The following PDHX variants were observed in gnomAD, a reference collection of about 807,000 sequenced individuals.
The protein encoded by PDHX is pyruvate dehydrogenase complex component X.
In PDHX, 33 loss-of-function variants were observed where a neutral mutation model predicts 55.3. That is an observed-to-expected ratio of 0.60 (90% confidence interval 0.45 to 0.80). PDHX has a LOEUF of 0.80. PDHX is among the 30% of genes least tolerant of loss of function. PDHX has a pLI of 0.00. For synonymous variants in PDHX, 226 were observed against 219.4 expected (o/e 1.03, Z -0.27); for missense variants, 622 against 619.9 (o/e 1.00, Z -0.04).
rs184525159 is a variant in PDHX at position 34,946,941 on chromosome 11, T to G, written c.242-565T>G. Among the ~76,000 whole-genome samples the G allele has an allele frequency of 2.0e-5, 3 of 152,300 alleles. No individual in the cohort carries two copies. In the East Asian group the frequency reaches 5.8e-4, roughly 29 times the overall value. ...CTGGAACTTCAGGTCTTCCTCCATA[T>G]TTTTGAGTTTCCAGATATTTTCTGT... is the stretch of plus-strand genomic sequence containing the variant. On this transcript the variant is annotated intron_variant, in intron 2 of 10. Transcript: ENST00000227868.
chr11:34,957,342 TG>T, intron 3 of PDHX, 41 bp from the exon 4 acceptor site: 1 of 1,282,318 alleles, frequency 7.8e-7, no homozygotes, highest in Non-Finnish European at 1.1e-6. Flanking sequence ...AATGCAGTCA[TG>T]GGGTTTTACT....
chr11:34,916,668 T>G lies in PDHX; in HGVS notation c.13T>G (p.Trp5Gly), dbSNP rs749796976. 7 of 1,610,340 alleles carry G rather than the reference T, an allele frequency of 4.3e-6. No homozygotes were observed. In the East Asian group the frequency reaches 1.6e-4, roughly 36 times the overall value. Reference sequence around the variant, plus strand: ...GAAGGCCGTCAAGATGGCGGCCTCCTGGAGGCTGGGCTGTGATCCGCGGCT... The same window carrying G: ...GAAGGCCGTCAAGATGGCGGCCTCCGGGAGGCTGGGCTGTGATCCGCGGCT... MAAS[W>G]RLGCDPRLLR... The change falls in exon 1 of 11, where the codon TGG becomes GGG. Residue 5 changes from tryptophan to glycine, a missense_variant. Coordinates refer to ENST00000227868, the MANE Select transcript of PDHX (RefSeq NM_003477.3).
intron 3 of PDHX, among the ~76,000 whole-genome samples, chr11:34,948,207 A>G (rs1258335658): frequency 2.6e-5 from 4 of 152,190 alleles, no homozygotes; most frequent in Admixed American, 6.5e-5. Flanking sequence ...CTGTTACCCA[A>G]TTGCTCAATA....
At chr11:34,931,911 A>G (rs1419623419) in intron 2 of PDHX, among the ~76,000 whole-genome samples, 1 of 151,920 alleles carries the variant, frequency 6.6e-6, no homozygotes, top group Non-Finnish European at 1.5e-5. Context: ...AGTAGAATAT[A>G]AGGAAAACCC....
intron 5 of PDHX, 45 bp from the exon 6 acceptor site, chr11:34,966,595 T>G (rs1855135433): frequency 1.3e-6 from 2 of 1,578,744 alleles, no homozygotes; most frequent in Non-Finnish European, 1.7e-6. Flanking sequence ...TTCTGTTATA[T>G]TCCTTATTGC....
At chr11:34,920,549 C>A (rs1439314116) in intron 1 of PDHX, among the ~76,000 whole-genome samples, 1 of 152,156 alleles carries the variant, frequency 6.6e-6, no homozygotes, top group Non-Finnish European at 1.5e-5. Flanking sequence ...GGAGACTTTA[C>A]AGAGAAATCT....
At chr11:34,916,886 T>C (rs1853729737) in intron 1 of PDHX, 71 bp downstream of exon 1, 3 of 1,401,522 alleles carry the variant, frequency 2.1e-6, no homozygotes, top group Admixed American at 3.9e-5. Flanking sequence ...GCAGTTATGA[T>C]TGAGGGCCTG....
rs758020436 is a variant in PDHX, at chr11:34,992,363, C to T, written c.1231C>T (p.Gln411Ter). 5.0e-5 allele frequency: 80 copies of T among 1,587,000 alleles called. No individual in the cohort carries two copies. Among genetic ancestry groups the T allele is most frequent in the Non-Finnish European group, 6.8e-5 (79 of 1,156,234 alleles). ...RDGKLLPEEY[Q>*]GGSFSISNLG... ...TGGAAAATTGTTGCCTGAAGAATAC[C>T]AAGGAGGATCTTTTAGGTAAAATTT... Residue 411 changes from glutamine (Q) to a stop codon, truncating the protein, a stop_gained, in exon 10 of 11, where the codon CAA (glutamine) becomes TAA (stop). Transcript: ENST00000227868. LOFTEE classifies it high-confidence loss of function.
At chr11:34,952,407 G>A (rs1375416530) in intron 3 of PDHX, among the ~76,000 whole-genome samples, 2 of 151,894 alleles carry the variant, frequency 1.3e-5, no homozygotes, top group African/African-American at 4.8e-5. Context: ...TTTTAGACCA[G>A]TATCCTTGGT....
intron 2 of PDHX, among the ~76,000 whole-genome samples, chr11:34,938,552 C>T (rs1196158473): frequency 6.6e-6 from 1 of 152,138 alleles, no homozygotes; most frequent in African/African-American, 2.4e-5. Flanking sequence ...TTTCCATATT[C>T]GATATGACAG....
intron 7 of PDHX, among the ~76,000 whole-genome samples, chr11:34,970,883 C>T (rs1489241754): frequency 6.6e-6 from 1 of 152,104 alleles, no homozygotes; most frequent in African/African-American, 2.4e-5. Context: ...ATCTGAAGTA[C>T]TATAATTTGG....
At chr11:34,985,991 C>T (rs924688094) in intron 9 of PDHX, among the ~76,000 whole-genome samples, 3 of 152,030 alleles carry the variant, frequency 2.0e-5, no homozygotes, top group Non-Finnish European at 2.9e-5. Flanking sequence ...AGTGTTTGAT[C>T]GATAAAAATG....
chr11:34,921,472 A>G (rs1853877405), intron 1 of PDHX, among the ~76,000 whole-genome samples: 1 of 152,154 alleles, frequency 6.6e-6, no homozygotes, highest in South Asian at 2.1e-4. Flanking sequence ...CAGTTGTGCT[A>G]CAGGGCATGC....
intron 1 of PDHX, among the ~76,000 whole-genome samples, chr11:34,920,071 G>A (rs1853835823): frequency 6.6e-6 from 1 of 152,170 alleles, no homozygotes; most frequent in Non-Finnish European, 1.5e-5. Flanking sequence ...AGGAAGAGGT[G>A]ACAGCCCTTA....
chr11:34,952,582 A>G lies in PDHX; in HGVS notation c.343-4802A>G, dbSNP rs1322518930. 4.6e-3 allele frequency among the ~76,000 whole-genome samples: 702 copies of G among 151,980 alleles called. 6 individuals are homozygous for G. Among genetic ancestry groups the G allele is most frequent in the African/African-American group, 0.016 (653 of 41,380 alleles). On this transcript the variant is annotated intron_variant, in intron 3 of 10. Coordinates refer to ENST00000227868, the MANE Select transcript of PDHX (RefSeq NM_003477.3). Reference sequence around the variant, plus strand: ...ATCCAACATATACACAGAACCAAAGACAAAAACCACATGATTATCTCAATA... The same window carrying G: ...ATCCAACATATACACAGAACCAAAGGCAAAAACCACATGATTATCTCAATA...
At chr11:34,925,113 A>G (rs1228527240) in intron 1 of PDHX, among the ~76,000 whole-genome samples, 5 of 152,212 alleles carry the variant, frequency 3.3e-5, no homozygotes, top group South Asian at 2.1e-4. Context: ...TTTCTAATTT[A>G]TCTCACGGTA....
At chr11:34,978,976 G>T (rs894533558) in intron 8 of PDHX, among the ~76,000 whole-genome samples, 7 of 152,146 alleles carry the variant, frequency 4.6e-5, no homozygotes, top group African/African-American at 1.7e-4. Context: ...CCTGTGGAGA[G>T]GCAAGGGAGG....
chr11:34,968,572 A>G (rs1855186437), intron 6 of PDHX, among the ~76,000 whole-genome samples: 2 of 152,230 alleles, frequency 1.3e-5, no homozygotes, highest in South Asian at 4.1e-4. Context: ...TTATAGGAAT[A>G]TTTTATTATC....
Position 34,970,096 on chromosome 11 carries a change from A to G in PDHX, c.817-43A>G, listed in dbSNP as rs114136993. 1,022 of 1,582,106 alleles carry G rather than the reference A, an allele frequency of 6.5e-4. 5 individuals are homozygous for G. The African/African-American group carries it at 0.012, about 19-fold the overall frequency. On this transcript the variant is annotated intron_variant, in intron 6 of 10. Coordinates refer to ENST00000227868, the MANE Select transcript of PDHX (RefSeq NM_003477.3). ...TGCTTGTTTTTTGTTTTATTTTTCT[A>G]TTCCACTTGTGGTTTAACGGACAGG...
Sources: allele counts gnomAD v4.1 joint callset (sites outside exome capture counted in the v4.1 genomes callset), GRCh38; gene constraint gnomAD v4.1.1; transcripts MANE v1.5; gene names NCBI Gene and HGNC (gene_info 2026-07-23, HGNC 2026-07-21).